Variants in IKBKB observed in about 807,000 individuals in gnomAD.
IKBKB encodes inhibitor of nuclear factor kappa-B kinase subunit beta.
In IKBKB, 42 loss-of-function variants were observed where a neutral mutation model predicts 113.6. The observed-to-expected ratio is 0.37, with a 90% CI of 0.29 to 0.48. IKBKB has a LOEUF of 0.48. Among genes scored for constraint, IKBKB ranks in the 20% least tolerant of loss-of-function variants. IKBKB has a pLI of 0.99. For missense variants in IKBKB, 673 were observed against 939.7 expected (o/e 0.72, Z 3.71); for synonymous variants, 296 against 361.3 (o/e 0.82, Z 2.05).
At chr8:42,320,412 C>T (rs1819537870) in intron 15 of IKBKB, 1 of 262,296 alleles carries the variant, frequency 3.8e-6, no homozygotes. Flanking sequence ...TCTTGGGCAT[C>T]TTCTGTATGC....
rs1186314735 is a variant in IKBKB at position 42,331,960 on chromosome 8, A to G, written c.*981A>G. On this transcript the variant is annotated 3_prime_UTR_variant, in exon 22 of 22. Coordinates refer to ENST00000520810, the MANE Select transcript of IKBKB (RefSeq NM_001556.3). Reference sequence around the variant, plus strand: ...TCAAACACTCATACTGGGTTCCACAATCCACTGTTAGAATACCTATGGTTA... The same window carrying G: ...TCAAACACTCATACTGGGTTCCACAGTCCACTGTTAGAATACCTATGGTTA... 2 of 159,194 alleles carry G rather than the reference A, an allele frequency of 1.3e-5. No homozygotes were observed. Among genetic ancestry groups the G allele is most frequent in the African/African-American group, 2.4e-5 (1 of 41,488 alleles). 9.9% of individuals were successfully genotyped at this position (159,194 alleles called of 1,614,324 possible). A position where few individuals can be genotyped will look rare whatever the true frequency, so the allele number is the denominator to read the frequency against.
chr8:42,287,457 G>A (rs114713524), intron 2 of IKBKB, among the ~76,000 whole-genome samples: 3 of 152,394 alleles, frequency 2.0e-5, no homozygotes, highest in Admixed American at 6.5e-5. Flanking sequence ...TCTTGAGCTC[G>A]GCAGACCGTG....
intron 2 of IKBKB, among the ~76,000 whole-genome samples, chr8:42,273,493 G>A (rs767077584): frequency 6.6e-6 from 1 of 151,494 alleles, no homozygotes; most frequent in Non-Finnish European, 1.5e-5. Flanking sequence ...GATACTGCAC[G>A]GCAAAAAATA....
At chr8:42,330,589 C>G (rs1821585867) in intron 21 of IKBKB, among the ~76,000 whole-genome samples, 1 of 152,206 alleles carries the variant, frequency 6.6e-6, no homozygotes, top group Non-Finnish European at 1.5e-5. Flanking sequence ...CAGCTCACTG[C>G]AACCCCTACC....
intron 6 of IKBKB, 48 bp from the exon 7 acceptor site, chr8:42,306,295 G>A: frequency 8.6e-7 from 1 of 1,159,690 alleles, no homozygotes; most frequent in East Asian, 2.3e-5. Context: ...CTCGTAGAAG[G>A]ACATTGTGTT....
chr8:42,318,019 T>C (rs1228725241), intron 12 of IKBKB, among the ~76,000 whole-genome samples: 4 of 152,100 alleles, frequency 2.6e-5, no homozygotes, highest in Non-Finnish European at 5.9e-5. Context: ...CCCAGCACTT[T>C]GGGAGGCTGA....
chr8:42,275,404 C>T (rs1808882808), intron 2 of IKBKB, among the ~76,000 whole-genome samples: 1 of 151,952 alleles, frequency 6.6e-6, no homozygotes, highest in Non-Finnish European at 1.5e-5. Flanking sequence ...AGGCTGGTCT[C>T]GAATTCCTGG....
chr8:42,278,528 C>A (rs1300108442), intron 2 of IKBKB, among the ~76,000 whole-genome samples: 1 of 152,172 alleles, frequency 6.6e-6, no homozygotes, highest in Non-Finnish European at 1.5e-5. Flanking sequence ...CCAGGGCTGA[C>A]TTCAAGCCAC....
At position 42,324,044 on chromosome 8, in the gene IKBKB, C is replaced by G. The variant is rs137860958; in HGVS notation, c.1986+1550C>G. On this transcript the variant is annotated intron_variant, in intron 19 of 21. Coordinates refer to ENST00000520810, the MANE Select transcript of IKBKB (RefSeq NM_001556.3). ...GCAGTTTCTGTGCACAGGGGGAGCTCCAGCTTGTCTTAGAGGAGAGGGAGC... is the reference window on the plus strand; with the variant it reads ...GCAGTTTCTGTGCACAGGGGGAGCTGCAGCTTGTCTTAGAGGAGAGGGAGC... 5.9e-4 allele frequency among the ~76,000 whole-genome samples: 90 copies of G among 152,120 alleles called. 1 individual carries two copies. In the East Asian group the frequency reaches 0.017, roughly 29 times the overall value.
intron 5 of IKBKB, among the ~76,000 whole-genome samples, chr8:42,303,787 G>A (rs1815930751): frequency 6.6e-6 from 1 of 152,162 alleles, no homozygotes; most frequent in Non-Finnish European, 1.5e-5. Flanking sequence ...GATTACAGGC[G>A]TGAGCCACCG....
At chr8:42,306,228 C>A in intron 6 of IKBKB, 115 bp from the exon 7 acceptor site, 1 of 665,424 alleles carries the variant, frequency 1.5e-6, no homozygotes, top group East Asian at 2.9e-5. Context: ...AGTTTGGGAT[C>A]TAATAGTACC....
intron 2 of IKBKB, among the ~76,000 whole-genome samples, chr8:42,274,796 C>T (rs908975055): frequency 2.4e-5 from 2 of 83,190 alleles, no homozygotes; most frequent in South Asian, 4.1e-4. Context: ...GCCCCCCCCC[C>T]CCCCCGCCAT....
At position 42,332,062 on chromosome 8, in the gene IKBKB, C is replaced by T. The variant is rs2130747900; in HGVS notation, c.*1083C>T. 6.6e-6 allele frequency: 1 copy of T among 152,586 alleles called. No homozygotes were observed. Among genetic ancestry groups the T allele is most frequent in the East Asian group, 1.9e-4 (1 of 5,194 alleles). The allele number at this position is 152,586 out of a possible 1,614,324, so 9.5% of individuals were successfully genotyped here. ...GATCATTACTAGTGCCATAACCCTG[C>T]TTCTTCAACATTTCACAGAACTTCT... On this transcript the variant is annotated 3_prime_UTR_variant, in exon 22 of 22. Coordinates refer to ENST00000520810, the MANE Select transcript of IKBKB (RefSeq NM_001556.3).
At position 42,271,417 on chromosome 8, in the gene IKBKB, C is replaced by T. The variant is rs1409224467; in HGVS notation, c.-71C>T. 1.3e-6 allele frequency: 2 copies of T among 1,503,480 alleles called. No individual in the cohort carries two copies. Among genetic ancestry groups the T allele is most frequent in the Non-Finnish European group, 8.9e-7 (1 of 1,121,346 alleles). The allele number at this position is 1,503,480 out of a possible 1,614,324, so 93.1% of individuals were successfully genotyped here. A position where few individuals can be genotyped will look rare whatever the true frequency, so the allele number is the denominator to read the frequency against. On this transcript the variant is annotated 5_prime_UTR_variant, in exon 1 of 22. Transcript: ENST00000520810. Reference sequence around the variant, plus strand: ...AGCCCCGGGTTTGGCCGCCCCAGCCCCGCCTTCCCCGCCCCGGGGAGCCCG... The same window carrying T: ...AGCCCCGGGTTTGGCCGCCCCAGCCTCGCCTTCCCCGCCCCGGGGAGCCCG...
At chr8:42,271,964 C>A in intron 1 of IKBKB, 119 bp from the exon 2 acceptor site, 1 of 1,091,542 alleles carries the variant, frequency 9.2e-7, no homozygotes. Flanking sequence ...AATAAAAAAC[C>A]AGTTGTATTT....
intron 12 of IKBKB, 36 bp downstream of exon 12, chr8:42,317,807 C>G: frequency 7.0e-7 from 1 of 1,428,838 alleles, no homozygotes; most frequent in Non-Finnish European, 9.9e-7. Flanking sequence ...TCTAAATAAT[C>G]CGTTATAATA....
Position 42,289,636 on chromosome 8 carries a change from G to T in IKBKB, c.201-520G>T, listed in dbSNP as rs541692478. Among the ~76,000 whole-genome samples the T allele has an allele frequency of 3.2e-4, 49 of 152,316 alleles. No individual in the cohort carries two copies. The South Asian group carries it at 5.4e-3, about 17-fold the overall frequency. ...GGCTCCTCTGCCAGCCTCTTAAAAA[G>T]AGGAGGTGCTATTTGGTTATGTCAT... is the stretch of plus-strand genomic sequence containing the variant. On this transcript the variant is annotated intron_variant, in intron 3 of 21. Coordinates refer to ENST00000520810, the MANE Select transcript of IKBKB (RefSeq NM_001556.3).
At chr8:42,303,640 G>C (rs1344220669) in intron 5 of IKBKB, among the ~76,000 whole-genome samples, 1 of 152,016 alleles carries the variant, frequency 6.6e-6, no homozygotes, top group Admixed American at 6.6e-5. Context: ...GAGTAGCTGG[G>C]ATTACAGGGG....
intron 8 of IKBKB, among the ~76,000 whole-genome samples, chr8:42,311,563 CA>C (rs56282608): frequency 2.5e-4 from 29 of 114,014 alleles, no homozygotes; most frequent in African/African-American, 7.3e-4. Context: ...TCCATCTTAC[CA>C]AAAAAAAAAA....
Sources: allele counts gnomAD v4.1 joint callset (sites outside exome capture counted in the v4.1 genomes callset), GRCh38; gene constraint gnomAD v4.1.1; transcripts MANE v1.5; gene names NCBI Gene and HGNC (gene_info 2026-07-23, HGNC 2026-07-21).